The following MGAT4C variants were observed in gnomAD, a reference collection of about 807,000 sequenced individuals.
MGAT4C encodes the protein alpha-1,3-mannosyl-glycoprotein 4-beta-N-acetylglucosaminyltransferase C.
In MGAT4C, 19 loss-of-function variants were observed where a neutral mutation model predicts 40.1. The observed-to-expected ratio is 0.47, with a 90% CI of 0.33 to 0.70. The LOEUF is 0.70. MGAT4C is among the 30% of genes least tolerant of loss of function. MGAT4C has a pLI of 0.02. For missense variants in MGAT4C, 491 were observed against 563.2 expected (o/e 0.87, Z 1.30); for synonymous variants, 181 against 187.1 (o/e 0.97, Z 0.27).
At chr12:86,579,677 A>T (rs1383700143) in intron 2 of MGAT4C, among the ~76,000 whole-genome samples, 1 of 151,552 alleles carries the variant, frequency 6.6e-6, no homozygotes, top group Non-Finnish European at 1.5e-5. Context: ...ATTATTGCTC[A>T]TTAATGTCCC....
intron 2 of MGAT4C, among the ~76,000 whole-genome samples, chr12:86,526,144 G>A (rs989395408): frequency 1.3e-5 from 2 of 152,128 alleles, no homozygotes; most frequent in African/African-American, 4.8e-5. Context: ...GGCAAGGGTG[G>A]TTGCTCAGGA....
At position 86,420,310 on chromosome 12, in the gene MGAT4C, G is replaced by A. The variant is rs576015887; in HGVS notation, c.-120+14847C>T. Among the ~76,000 whole-genome samples the A allele has an allele frequency of 5.8e-3, 876 of 151,990 alleles. 5 individuals are homozygous for A. The highest frequency in any genetic ancestry group is 0.02 in the African/African-American group (841 of 41,410). On this transcript the variant is annotated intron_variant, in intron 3 of 7. Coordinates refer to the MGAT4C transcript ENST00000548651. ...AGTGGGAGGATCACTTGAGCCCAGAGGTTAAAACCTGCAGTGAACTATGAT... is the reference window on the plus strand; with the variant it reads ...AGTGGGAGGATCACTTGAGCCCAGAAGTTAAAACCTGCAGTGAACTATGAT...
At chr12:86,836,079 G>A (rs1172678885) in intron 1 of MGAT4C, among the ~76,000 whole-genome samples, 1 of 151,996 alleles carries the variant, frequency 6.6e-6, no homozygotes, top group Non-Finnish European at 1.5e-5. Flanking sequence ...TACATATAAT[G>A]AGACAGAGGT....
intron 2 of MGAT4C, among the ~76,000 whole-genome samples, chr12:86,609,986 C>T (rs761792202): frequency 6.6e-6 from 1 of 152,086 alleles, no homozygotes; most frequent in Non-Finnish European, 1.5e-5. Flanking sequence ...TTATTATTCT[C>T]AATTACTTAT....
chr12:86,369,932 T>C (rs1191940484), intron 3 of MGAT4C, among the ~76,000 whole-genome samples: 1 of 152,048 alleles, frequency 6.6e-6, no homozygotes, highest in Non-Finnish European at 1.5e-5. Context: ...TTAGGTATTC[T>C]GGATTTTACT....
intron 4 of MGAT4C, among the ~76,000 whole-genome samples, chr12:86,288,782 T>C (rs1953424525): frequency 6.6e-6 from 1 of 152,150 alleles, no homozygotes; most frequent in African/African-American, 2.4e-5. Context: ...TGTAAATTTG[T>C]TTAAGCTCCT....
chr12:86,723,484 G>A (rs1950769895), intron 2 of MGAT4C, among the ~76,000 whole-genome samples: 1 of 152,102 alleles, frequency 6.6e-6, no homozygotes, highest in Admixed American at 6.6e-5. Context: ...GGCAGCCTCG[G>A]GGGCTCTTTG....
At chr12:86,525,082 G>A (rs996488207) in intron 2 of MGAT4C, among the ~76,000 whole-genome samples, 1 of 152,088 alleles carries the variant, frequency 6.6e-6, no homozygotes, top group Non-Finnish European at 1.5e-5. Context: ...ACTATAATAT[G>A]GTTTGGCTCT....
chr12:86,756,739 C>T (rs1951311101), intron 1 of MGAT4C, among the ~76,000 whole-genome samples: 1 of 152,082 alleles, frequency 6.6e-6, no homozygotes, highest in Non-Finnish European at 1.5e-5. Context: ...AAAACATCTT[C>T]AAATCCATAA....
chr12:86,390,446 T>C (rs950542069), intron 3 of MGAT4C, among the ~76,000 whole-genome samples: 1 of 152,200 alleles, frequency 6.6e-6, no homozygotes, highest in South Asian at 2.1e-4. Context: ...AAAATATTTA[T>C]GGAAAATAAA....
chr12:86,680,412 A>G (rs1271695472), intron 2 of MGAT4C, among the ~76,000 whole-genome samples: 2 of 151,994 alleles, frequency 1.3e-5, no homozygotes, highest in African/African-American at 4.8e-5. Context: ...AGAGAAAAAA[A>G]TGACTTTTCC....
chr12:86,602,456 C>T (rs558135033), intron 2 of MGAT4C, among the ~76,000 whole-genome samples: 1 of 152,318 alleles, frequency 6.6e-6, no homozygotes. Context: ...TATCAAAGAG[C>T]ACAATGTCAT....
At chr12:86,566,545 T>C (rs1960115989) in intron 2 of MGAT4C, among the ~76,000 whole-genome samples, 1 of 103,718 alleles carries the variant, frequency 9.6e-6, no homozygotes, top group Non-Finnish European at 1.8e-5. Flanking sequence ...TATATATATA[T>C]ATATATATAT....
At chr12:86,507,758 G>T (rs1251873674) in intron 2 of MGAT4C, among the ~76,000 whole-genome samples, 2 of 152,080 alleles carry the variant, frequency 1.3e-5, no homozygotes, top group Non-Finnish European at 2.9e-5. Flanking sequence ...CTGAATCTTT[G>T]AGCAAAACAG....
intron 2 of MGAT4C, among the ~76,000 whole-genome samples, chr12:86,019,958 G>A (rs1889510854): frequency 6.6e-6 from 1 of 152,220 alleles, no homozygotes; most frequent in Middle Eastern, 3.4e-3. Context: ...AAGCAATTGT[G>A]AATGGGAGTT....
At chr12:86,682,545 C>T (rs1297424864) in intron 2 of MGAT4C, among the ~76,000 whole-genome samples, 1 of 152,034 alleles carries the variant, frequency 6.6e-6, no homozygotes, top group Admixed American at 6.6e-5. Flanking sequence ...TAATTAAACA[C>T]TGGTAATTTA....
chr12:86,016,413 A>C (rs922766339), intron 2 of MGAT4C: 1 of 152,140 alleles, frequency 6.6e-6, no homozygotes, highest in Admixed American at 6.5e-5. Flanking sequence ...TAAGCTGTGG[A>C]AACTAATATT....
At chr12:86,721,060 T>C (rs1338337565) in intron 2 of MGAT4C, among the ~76,000 whole-genome samples, 1 of 152,094 alleles carries the variant, frequency 6.6e-6, no homozygotes, top group African/African-American at 2.4e-5. Flanking sequence ...GAATCTCATA[T>C]GTGTTTGCTG....
intron 2 of MGAT4C, among the ~76,000 whole-genome samples, chr12:86,599,351 A>C (rs995506429): frequency 5.9e-5 from 9 of 152,184 alleles, no homozygotes; most frequent in African/African-American, 2.2e-4. Context: ...TCATTACGTT[A>C]TCTGTAAATA....
Sources: allele counts gnomAD v4.1 joint callset (sites outside exome capture counted in the v4.1 genomes callset), GRCh38; gene constraint gnomAD v4.1.1; transcripts MANE v1.5; gene names NCBI Gene and HGNC (gene_info 2026-07-23, HGNC 2026-07-21).